MSL2: variants seen among roughly 807,000 people sequenced by gnomAD.
MSL2 encodes E3 ubiquitin-protein ligase MSL2.
A neutral mutation model predicts 35.8 loss-of-function variants in MSL2; 2 were observed. That is an observed-to-expected ratio of 0.06 (90% CI 0.02 to 0.18). The LOEUF (loss-of-function observed/expected upper bound fraction) is 0.18, where lower values mean the gene tolerates loss of function less well. MSL2 is among the 10% of genes least tolerant of loss of function. The pLI, the probability that MSL2 is intolerant of heterozygous loss-of-function variation, is 1.00. For missense variants in MSL2, 523 were observed against 706.7 expected, an observed-to-expected ratio of 0.74 and a Z score of 2.95; for synonymous variants, 296 against 255.7, an observed-to-expected ratio of 1.16 and a Z score of -1.50.
At chr3:136,180,001 G>C (rs1461765092) in intron 1 of MSL2, among the ~76,000 whole-genome samples, 1 of 152,080 alleles carries the variant, frequency 6.6e-6, no homozygotes, top group Admixed American at 6.6e-5. Context: ...GGAGGCAGAG[G>C]TTGCAGTGAG....
Position 136,149,865 on chromosome 3 carries a change from A to G in MSL2, c.*1282T>C, listed in dbSNP as rs1344075559. 2 of 152,448 alleles carry G rather than the reference A, an allele frequency of 1.3e-5. No homozygotes were observed. The highest frequency in any genetic ancestry group is 4.8e-5 in the African/African-American group (2 of 41,450). 9.4% of individuals were successfully genotyped at this position (152,448 alleles called of 1,614,324 possible). ...ATTTTCCAGCAGTATTTTTCTTTAA[A>G]TAAGCACTGTCAAAGCTGCAGCTCT... On this transcript the variant is annotated 3_prime_UTR_variant, in exon 2 of 2. Coordinates refer to ENST00000309993, the MANE Select transcript of MSL2 (RefSeq NM_018133.4).
rs377613987 is a variant in MSL2 at position 136,152,295 on chromosome 3, T to G, written c.586A>C (p.Thr196Pro). The part of the protein sequence containing the change: ...IGSSVINGLP[T>P]YNGLSIDRFG... The stretch of plus-strand genomic sequence containing the variant: ...CTATCTATTGAAAGCCCATTATAAG[T>G]AGGCAAACCATTGATAACAGAACTG... The change falls in exon 2 of 2, where the codon ACT becomes CCT. Residue 196 changes from threonine (T) to proline (P), a missense_variant. This residue lies in a region of MSL2 where 361 missense variants were observed against 414.6 expected (regional missense o/e 0.87). Transcript: ENST00000309993. 1 of 1,614,052 alleles carries G rather than the reference T, an allele frequency of 6.2e-7. No homozygotes were observed. The highest frequency in any genetic ancestry group is 2.2e-5 in the East Asian group (1 of 44,892).
intron 1 of MSL2, among the ~76,000 whole-genome samples, chr3:136,161,987 G>C (rs1939718986): frequency 6.6e-6 from 1 of 151,900 alleles, no homozygotes; most frequent in Admixed American, 6.6e-5. Context: ...GCCCAGGCTA[G>C]AGCACAGTGG....
At chr3:136,188,873 CTAT>C (rs972798255) in intron 1 of MSL2, among the ~76,000 whole-genome samples, 1 of 151,920 alleles carries the variant, frequency 6.6e-6, no homozygotes, top group East Asian at 1.9e-4. Context: ...CACATTTAAA[CTAT>C]TATTACCTTT....
intron 1 of MSL2, among the ~76,000 whole-genome samples, chr3:136,194,188 A>G (rs915633612): frequency 2.6e-5 from 4 of 152,186 alleles, no homozygotes; most frequent in Non-Finnish European, 4.4e-5. Context: ...AAAAGCAAGT[A>G]ATTATTACAC....
chr3:136,190,342 G>A (rs964425762), intron 1 of MSL2, among the ~76,000 whole-genome samples: 2 of 152,126 alleles, frequency 1.3e-5, no homozygotes, highest in Non-Finnish European at 1.5e-5. Flanking sequence ...CAGGCCAGAT[G>A]AGTTCAAGAC....
intron 1 of MSL2, among the ~76,000 whole-genome samples, chr3:136,185,491 A>T (rs1394624887): frequency 7.1e-6 from 1 of 141,336 alleles, no homozygotes; most frequent in East Asian, 2.2e-4. Context: ...TAAAACAAGG[A>T]TGCTACCAGA....
intron 1 of MSL2, among the ~76,000 whole-genome samples, chr3:136,160,425 TA>T (rs541511094): frequency 0.04 from 3,963 of 98,732 alleles, 93 homozygotes; most frequent in African/African-American, 0.083. Context: ...AAATCACAAT[TA>T]AAAAAAAAAA....
In MSL2 at chr3:136,151,788, T is replaced by C. The variant is rs1939380750; in HGVS notation, c.1093A>G (p.Thr365Ala). ...GTCACAGGAGCAGATGCCCCCAGTG[T>C]TGGGCCTCGGATAATGGTAGAAATT... is the stretch of plus-strand genomic sequence containing the variant. Reference protein sequence around the residue: ...LPISTIIRGPTLGASAPVTVK... With the variant: ...LPISTIIRGPALGASAPVTVK... Residue 365 changes from threonine (T) to alanine (A), a missense_variant, in exon 2 of 2, where the codon ACA becomes GCA. Physicochemically the swap from Thr to Ala is moderately conservative, Grantham distance 58. Transcript: ENST00000309993. The surrounding 1 kb of genome is among the most constrained non-coding windows in gnomAD (Gnocchi z 5.2). The C allele has an allele frequency of 2.5e-6, 4 of 1,614,066 alleles. No individual in the cohort carries two copies. Among genetic ancestry groups the C allele is most frequent in the South Asian group, 1.1e-5 (1 of 91,088 alleles).
At chr3:136,158,581 C>CT (rs1939602255) in intron 1 of MSL2, among the ~76,000 whole-genome samples, 1 of 152,028 alleles carries the variant, frequency 6.6e-6, no homozygotes, top group South Asian at 2.1e-4. Flanking sequence ...GTTGCCACTT[C>CT]TTTTCAAAAT....
At chr3:136,159,376 T>TC in intron 1 of MSL2, among the ~76,000 whole-genome samples, 1 of 140,828 alleles carries the variant, frequency 7.1e-6, no homozygotes, top group Non-Finnish European at 1.5e-5. Flanking sequence ...TTTTTTTTTT[T>TC]TTTTTGAGAC....
rs892186510 is a variant in MSL2 at position 136,195,182 on chromosome 3, G to A, written c.-69C>T. 179 of 1,552,536 alleles carry A rather than the reference G, an allele frequency of 1.2e-4. No individual in the cohort carries two copies. Among genetic ancestry groups the A allele is most frequent in the Non-Finnish European group, 1.5e-4 (174 of 1,152,852 alleles). ...CCGGATCCAACTTAGTAAGCAGCCAGGGAACGATGGCGAATTTGCAACAAT... is the reference window on the plus strand; with the variant it reads ...CCGGATCCAACTTAGTAAGCAGCCAAGGAACGATGGCGAATTTGCAACAAT... On this transcript the variant is annotated 5_prime_UTR_variant, in exon 1 of 2. Transcript: ENST00000309993.
chr3:136,190,212 G>A (rs554981469), intron 1 of MSL2, among the ~76,000 whole-genome samples: 2 of 152,266 alleles, frequency 1.3e-5, no homozygotes, highest in Admixed American at 6.5e-5. Context: ...ATATATATGG[G>A]CCTGTGCCAT....
chr3:136,167,265 T>C (rs1020285364), intron 1 of MSL2, among the ~76,000 whole-genome samples: 2 of 151,964 alleles, frequency 1.3e-5, no homozygotes, highest in Middle Eastern at 3.4e-3. Flanking sequence ...AAAGTTCACA[T>C]GCAAAAGAAA....
At chr3:136,176,936 A>G (rs1024128428) in intron 1 of MSL2, among the ~76,000 whole-genome samples, 1 of 152,244 alleles carries the variant, frequency 6.6e-6, no homozygotes, top group South Asian at 2.1e-4. Flanking sequence ...GCTATAAAAG[A>G]TAACAAGCTC....
chr3:136,174,117 C>A (rs1305333530), intron 1 of MSL2, among the ~76,000 whole-genome samples: 2 of 152,208 alleles, frequency 1.3e-5, no homozygotes, highest in Admixed American at 6.5e-5. Flanking sequence ...TGTCATTGTT[C>A]ACTGGGTCTC....
intron 1 of MSL2, among the ~76,000 whole-genome samples, chr3:136,193,373 T>C (rs1466604896): frequency 6.6e-6 from 1 of 152,130 alleles, no homozygotes; most frequent in Non-Finnish European, 1.5e-5. Context: ...ACAGGGGACC[T>C]ACCAGATTCT....
At chr3:136,157,596 AGTTG>A (rs1400877030) in intron 1 of MSL2, among the ~76,000 whole-genome samples, 1 of 152,228 alleles carries the variant, frequency 6.6e-6, no homozygotes, top group Admixed American at 6.5e-5. Flanking sequence ...TAACACCAAA[AGTTG>A]GTTGTTTTAA....
intron 1 of MSL2, among the ~76,000 whole-genome samples, chr3:136,178,437 T>G (rs1940243409): frequency 6.6e-6 from 1 of 152,146 alleles, no homozygotes; most frequent in African/African-American, 2.4e-5. Flanking sequence ...TATTACCCTC[T>G]TAAGAGAGTC....
Sources: gnomAD v4.1 joint callset for allele counts (sites outside exome capture counted in the v4.1 genomes callset) on GRCh38, gnomAD v4.1.1 for gene constraint, gnomAD v4.1.1 regional missense constraint, Gnocchi (gnomAD v3.1) non-coding constraint, MANE v1.5 for transcripts, NCBI Gene and HGNC (gene_info 2026-07-23, HGNC 2026-07-21) for gene names.